Variants in RASGRF2 observed in about 807,000 individuals in gnomAD.
RASGRF2 encodes Ras protein specific guanine nucleotide releasing factor 2, also known as ras-specific guanine nucleotide-releasing factor 2.
A neutral mutation model predicts 151.0 loss-of-function variants in RASGRF2; 76 were observed. The observed-to-expected ratio is 0.50, with a 90% confidence interval of 0.42 to 0.61. The LOEUF is 0.61. RASGRF2 is among the 20% of genes least tolerant of loss of function. RASGRF2 has a pLI of 0.00. For missense variants in RASGRF2, 1,148 were observed against 1,564.6 expected (o/e 0.73, Z 4.49); for synonymous variants, 504 against 566.5 (o/e 0.89, Z 1.57).
chr5:81,180,061 CA>C, intron 17 of RASGRF2, 113 bp from the exon 18 acceptor site: 1 of 657,998 alleles, frequency 1.5e-6, no homozygotes, highest in Non-Finnish European at 2.8e-6. Context: ...ACCTCTCTGC[CA>C]AGAAGTGTCA....
intron 1 of RASGRF2, among the ~76,000 whole-genome samples, chr5:80,988,710 T>A (rs985197603): frequency 8.5e-5 from 13 of 152,196 alleles, no homozygotes; most frequent in African/African-American, 2.4e-4. Context: ...TCAGGGATAA[T>A]GTAAGAAGGC....
chr5:80,973,678 T>A (rs563214867), intron 1 of RASGRF2, among the ~76,000 whole-genome samples: 1 of 152,300 alleles, frequency 6.6e-6, no homozygotes, highest in Non-Finnish European at 1.5e-5. Context: ...TCAAAACAGG[T>A]CTCTATGATA....
At chr5:81,100,565 C>T (rs1253590784) in intron 12 of RASGRF2, among the ~76,000 whole-genome samples, 5 of 152,168 alleles carry the variant, frequency 3.3e-5, no homozygotes, top group African/African-American at 7.2e-5. Context: ...TTATAGGGAA[C>T]GATTTGAGGC....
At chr5:81,016,303 C>T (rs1227531159) in intron 1 of RASGRF2, among the ~76,000 whole-genome samples, 1 of 152,204 alleles carries the variant, frequency 6.6e-6, no homozygotes, top group Non-Finnish European at 1.5e-5. Context: ...CTTCCCTTTG[C>T]ATAAATCTCA....
intron 17 of RASGRF2, among the ~76,000 whole-genome samples, chr5:81,128,147 C>T (rs153242): frequency 0.31 from 46,243 of 151,594 alleles, 7,326 homozygotes; most frequent in Middle Eastern, 0.48. Context: ...GGAAGGGAAG[C>T]GGGGAGCTGT....
chr5:81,035,621 A>AT (rs1447795820), intron 1 of RASGRF2, among the ~76,000 whole-genome samples: 10 of 148,340 alleles, frequency 6.7e-5, no homozygotes, highest in South Asian at 4.4e-4. Flanking sequence ...TTAAAACAAA[A>AT]TTAAAAAAAA....
At chr5:81,219,123 G>C (rs1225821907) in intron 25 of RASGRF2, among the ~76,000 whole-genome samples, 2 of 150,636 alleles carry the variant, frequency 1.3e-5, no homozygotes, top group Non-Finnish European at 2.9e-5. Context: ...CCAGGCTGGA[G>C]TGCAGTGGCC....
chr5:81,212,951 C>A (rs1755658585), intron 23 of RASGRF2, among the ~76,000 whole-genome samples: 1 of 152,208 alleles, frequency 6.6e-6, no homozygotes, highest in Admixed American at 6.5e-5. Flanking sequence ...CATTTTTCAC[C>A]TTTCTCTTGC....
At chr5:80,995,166 G>C (rs1248670321) in intron 1 of RASGRF2, among the ~76,000 whole-genome samples, 24 of 149,190 alleles carry the variant, frequency 1.6e-4, no homozygotes, top group Admixed American at 1.4e-3. Context: ...TGAGGCAGGA[G>C]AATGGCGTAA....
intron 1 of RASGRF2, among the ~76,000 whole-genome samples, chr5:81,035,346 G>A (rs1750446519): frequency 6.6e-6 from 1 of 152,180 alleles, no homozygotes. Context: ...ATTATTCTGT[G>A]CATACTATCA....
At chr5:81,120,233 A>C (rs955610969) in intron 15 of RASGRF2, among the ~76,000 whole-genome samples, 2 of 152,108 alleles carry the variant, frequency 1.3e-5, no homozygotes, top group South Asian at 4.1e-4. Flanking sequence ...CTTATACTTA[A>C]AAATATTTAA....
In RASGRF2 at chr5:80,962,673, C is replaced by T. The variant is rs185671907; in HGVS notation, c.288+1647C>T. On this transcript the variant is annotated intron_variant, in intron 1 of 26. Transcript: ENST00000265080. ...TGTTACAATTCATATGGCTCTCTGA[C>T]TTGCTAATGTTATATGGAAACCAAC... Among the ~76,000 whole-genome samples the T allele has an allele frequency of 1.3e-4, 19 of 151,536 alleles. No homozygotes were observed. The East Asian group carries it at 3.7e-3, about 29-fold the overall frequency.
chr5:81,217,338 T>C lies in RASGRF2; in HGVS notation c.3435-18T>C, dbSNP rs1314822340. The C allele has an allele frequency of 3.1e-6, 5 of 1,589,638 alleles. No individual in the cohort carries two copies. The highest frequency in any genetic ancestry group is 4.3e-6 in the Non-Finnish European group (5 of 1,172,014). ...TTTATTCAAATGAGTCTCAGAACAG[T>C]GCCTCTTGGTCTTGCAGTTGTAACC... On this transcript the variant is annotated intron_variant, in intron 24 of 26. Transcript: ENST00000265080.
At chr5:81,127,384 A>G (rs1753486823) in intron 17 of RASGRF2, among the ~76,000 whole-genome samples, 1 of 152,124 alleles carries the variant, frequency 6.6e-6, no homozygotes, top group Non-Finnish European at 1.5e-5. Flanking sequence ...TTAGCTGGGC[A>G]TGGTGTTGCA....
At chr5:81,070,435 G>A (rs746653275) in intron 3 of RASGRF2, 57 bp from the exon 4 acceptor site, 1 of 1,412,796 alleles carries the variant, frequency 7.1e-7, no homozygotes, top group East Asian at 2.3e-5. Flanking sequence ...CTTCCTGTGT[G>A]TATGGCTATA....
intron 1 of RASGRF2, among the ~76,000 whole-genome samples, chr5:80,995,704 T>TA (rs1317665198): frequency 5.9e-5 from 8 of 136,276 alleles, no homozygotes; most frequent in Non-Finnish European, 1.6e-5. Context: ...TTTTTTTTTT[T>TA]TTTTTTGAGA....
chr5:81,104,099 A>T (rs1233123792), intron 12 of RASGRF2, among the ~76,000 whole-genome samples: 1 of 152,122 alleles, frequency 6.6e-6, no homozygotes, highest in Non-Finnish European at 1.5e-5. Flanking sequence ...CATTACTTCC[A>T]GAGTAGAGAG....
At chr5:81,047,758 C>CT (rs1750884358) in intron 2 of RASGRF2, among the ~76,000 whole-genome samples, 1 of 152,178 alleles carries the variant, frequency 6.6e-6, no homozygotes, top group African/African-American at 2.4e-5. Context: ...TCAATTAAGC[C>CT]TTATTCTCTT....
intron 1 of RASGRF2, among the ~76,000 whole-genome samples, chr5:81,011,210 A>AT (rs1749446906): frequency 6.7e-6 from 1 of 148,932 alleles, no homozygotes; most frequent in Non-Finnish European, 1.5e-5. Context: ...CTGATTCTGT[A>AT]TTTTTTCTCT....
Sources: gnomAD v4.1 joint callset for allele counts (sites outside exome capture counted in the v4.1 genomes callset) on GRCh38, gnomAD v4.1.1 for gene constraint, MANE v1.5 for transcripts, NCBI Gene and HGNC (gene_info 2026-07-23, HGNC 2026-07-21) for gene names.